Variants in ATG14 observed in about 807,000 individuals in gnomAD.
ATG14 encodes autophagy related 14.
ATG14 carries 35 observed loss-of-function variants against 60.4 expected under a neutral mutation model. That is an observed-to-expected ratio of 0.58 (90% confidence interval 0.44 to 0.77). The LOEUF (loss-of-function observed/expected upper bound fraction) is 0.77, where lower values mean the gene tolerates loss of function less well. Ranked by LOEUF, ATG14 falls within the 30% of genes least tolerant of loss-of-function variation. ATG14 has a pLI of 0.00. For synonymous variants in ATG14, 234 were observed against 228.8 expected (o/e 1.02, Z -0.21); for missense variants, 647 against 626.3 (o/e 1.03, Z -0.35).
chr14:55,404,326 C>T (rs1282079333), intron 1 of ATG14, among the ~76,000 whole-genome samples: 1 of 152,144 alleles, frequency 6.6e-6, no homozygotes, highest in African/African-American at 2.4e-5. Flanking sequence ...AACCCTGATC[C>T]CTAAAGCACT....
At chr14:55,390,451 G>A (rs1159920611) in intron 4 of ATG14, among the ~76,000 whole-genome samples, 1 of 151,880 alleles carries the variant, frequency 6.6e-6, no homozygotes, top group Non-Finnish European at 1.5e-5. Context: ...TCAGCTCACT[G>A]CAAGCTCTGC....
At chr14:55,410,277 A>C (rs1885550758) in intron 1 of ATG14, among the ~76,000 whole-genome samples, 1 of 152,246 alleles carries the variant, frequency 6.6e-6, no homozygotes, top group South Asian at 2.1e-4. Context: ...GGTTGGAGAT[A>C]CAAGTCTGGC....
chr14:55,377,937 C>T, intron 8 of ATG14, 33 bp from the exon 9 acceptor site: 3 of 1,591,144 alleles, frequency 1.9e-6, no homozygotes, highest in Non-Finnish European at 1.7e-6. Flanking sequence ...TTAATATTTT[C>T]AACTATTTAA....
intron 1 of ATG14, among the ~76,000 whole-genome samples, chr14:55,410,115 G>A (rs1439481523): frequency 6.6e-6 from 1 of 152,170 alleles, no homozygotes; most frequent in African/African-American, 2.4e-5. Flanking sequence ...CAATGAGATT[G>A]ACATTTACTG....
At chr14:55,396,027 A>C in intron 2 of ATG14, 45 bp from the exon 3 acceptor site, 2 of 1,468,820 alleles carry the variant, frequency 1.4e-6, no homozygotes, top group Non-Finnish European at 1.8e-6. Context: ...AAATAATAAA[A>C]TTCTGTGAAG....
chr14:55,401,224 T>G (rs1478092914), intron 1 of ATG14, among the ~76,000 whole-genome samples: 1 of 151,776 alleles, frequency 6.6e-6, no homozygotes, highest in East Asian at 1.9e-4. Flanking sequence ...CTACTGATTT[T>G]TCTTGTTATT....
chr14:55,391,073 T>A, intron 3 of ATG14, 81 bp from the exon 4 acceptor site: 2 of 892,262 alleles, frequency 2.2e-6, no homozygotes, highest in Admixed American at 5.8e-5. Flanking sequence ...CACTGCTTAT[T>A]TTCAGATATG....
At chr14:55,398,578 A>G (rs1885351984) in intron 1 of ATG14, among the ~76,000 whole-genome samples, 1 of 152,200 alleles carries the variant, frequency 6.6e-6, no homozygotes, top group Admixed American at 6.5e-5. Context: ...TTTTCTAGGT[A>G]GCTTACTGTT....
intron 1 of ATG14, among the ~76,000 whole-genome samples, chr14:55,407,508 G>A (rs944890580): frequency 1.3e-5 from 2 of 152,140 alleles, no homozygotes; most frequent in African/African-American, 4.8e-5. Context: ...CAAGTGATCC[G>A]CCTGCCTCGG....
In ATG14 at chr14:55,393,119, C is replaced by T. The variant is rs538723975; in HGVS notation, c.328-2127G>A. 9.3e-4 allele frequency among the ~76,000 whole-genome samples: 141 copies of T among 152,214 alleles called. 1 individual carries two copies. The highest frequency in any genetic ancestry group is 2.8e-3 in the African/African-American group (115 of 41,518). On this transcript the variant is annotated intron_variant, in intron 3 of 9. Coordinates refer to ENST00000247178, the MANE Select transcript of ATG14 (RefSeq NM_014924.5). ...ATATATGACTGGGCGCGGTGGCTCA[C>T]GCCTGTAATCCCAGCACTTTGGGAG...
rs539296389 is a variant in ATG14, at chr14:55,367,924, G to A, written c.*1695C>T. The A allele has an allele frequency of 2.0e-5, 3 of 152,634 alleles. No homozygotes were observed. The highest frequency in any genetic ancestry group is 4.1e-4 in the South Asian group (2 of 4,828). The allele number at this position is 152,634 out of a possible 1,614,324, so 9.5% of individuals were successfully genotyped here. ...AAAGCTATATAGCACCTCGGACTTG[G>A]AGGCAAAGTATCAACTACAATTATT... On this transcript the variant is annotated 3_prime_UTR_variant, in exon 10 of 10. Coordinates refer to ENST00000247178, the MANE Select transcript of ATG14 (RefSeq NM_014924.5).
chr14:55,402,969 A>ATATATC (rs1491354292), intron 1 of ATG14, among the ~76,000 whole-genome samples: 1 of 94,072 alleles, frequency 1.1e-5, no homozygotes, highest in Non-Finnish European at 2.2e-5. Context: ...ATATATATAT[A>ATATATC]AATAGCTGGG....
At chr14:55,376,489 T>C (rs925886152) in intron 9 of ATG14, among the ~76,000 whole-genome samples, 2 of 152,158 alleles carry the variant, frequency 1.3e-5, no homozygotes, top group African/African-American at 4.8e-5. Flanking sequence ...ATTGTAAGTA[T>C]ATGTGCAGTT....
intron 5 of ATG14, among the ~76,000 whole-genome samples, chr14:55,383,087 C>T (rs529949884): frequency 3.9e-5 from 6 of 152,320 alleles, no homozygotes; most frequent in African/African-American, 1.4e-4. Context: ...GCGTGCAGCT[C>T]AGTCTCTCAA....
chr14:55,404,860 G>C (rs926079009), intron 1 of ATG14, among the ~76,000 whole-genome samples: 2 of 152,172 alleles, frequency 1.3e-5, no homozygotes, highest in Non-Finnish European at 2.9e-5. Context: ...CCAGGAGTAA[G>C]TCAGCCACAA....
At chr14:55,389,287 C>T (rs1885175503) in intron 4 of ATG14, among the ~76,000 whole-genome samples, 1 of 152,206 alleles carries the variant, frequency 6.6e-6, no homozygotes, top group Admixed American at 6.5e-5. Context: ...CCCTGAATAT[C>T]ATGGTAAGAC....
chr14:55,402,955 ATATATATAT>A (rs1885432078), intron 1 of ATG14, among the ~76,000 whole-genome samples: 2 of 77,922 alleles, frequency 2.6e-5, no homozygotes, highest in South Asian at 5.0e-4. Context: ...ATATATATAT[ATATATATAT>A]ATATAAATAG....
At chr14:55,402,959 A>G (rs1481002279) in intron 1 of ATG14, among the ~76,000 whole-genome samples, 1 of 76,830 alleles carries the variant, frequency 1.3e-5, no homozygotes, top group African/African-American at 4.3e-5. Flanking sequence ...ATATATATAT[A>G]TATATATATA....
chr14:55,378,799 G>A (rs1884970795), intron 7 of ATG14, among the ~76,000 whole-genome samples: 1 of 152,078 alleles, frequency 6.6e-6, no homozygotes, highest in African/African-American at 2.4e-5. Context: ...TCAATCTCCT[G>A]GGCTCAAGCG....
Sources: allele counts gnomAD v4.1 joint callset (sites outside exome capture counted in the v4.1 genomes callset), GRCh38; gene constraint gnomAD v4.1.1; transcripts MANE v1.5; gene names NCBI Gene and HGNC (gene_info 2026-07-23, HGNC 2026-07-21).